FCHSD2: variants seen among roughly 807,000 people sequenced by gnomAD.
FCHSD2 encodes the protein FCH and double SH3 domains 2.
A neutral mutation model predicts 108.1 loss-of-function variants in FCHSD2; 38 were observed. The observed-to-expected ratio is 0.35, with a 90% CI of 0.27 to 0.46. The LOEUF (loss-of-function observed/expected upper bound fraction) is 0.46, where lower values mean the gene tolerates loss of function less well. Ranked by LOEUF, FCHSD2 falls within the 20% of genes least tolerant of loss-of-function variation. The pLI is 1.00. For synonymous variants in FCHSD2, 279 were observed against 314.7 expected (o/e 0.89, Z 1.20); for missense variants, 751 against 897.8 (o/e 0.84, Z 2.09).
chr11:73,018,175 T>TATCATGATCCCAA (rs2135435983), intron 3 of FCHSD2, among the ~76,000 whole-genome samples: 1 of 152,334 alleles, frequency 6.6e-6, no homozygotes, highest in East Asian at 1.9e-4. Context: ...TTGGCTCCCA[T>TATCATGATCCCAA]ATCATGATCC....
Position 72,838,570 on chromosome 11 carries a change from G to A in FCHSD2, c.*221C>T. ...GCTCCTAGGGTCCGCTAGGATTTGT[G>A]CTATGGTAGGAGAAATGACATAGAA... On this transcript the variant is annotated 3_prime_UTR_variant, in exon 20 of 20. Coordinates refer to ENST00000409418, the MANE Select transcript of FCHSD2 (RefSeq NM_014824.3). The A allele has an allele frequency of 1.7e-6, 1 of 574,784 alleles. No individual in the cohort carries two copies. Among genetic ancestry groups the A allele is most frequent in the Admixed American group, 3.0e-5 (1 of 33,486 alleles). 35.6% of individuals were successfully genotyped at this position (574,784 alleles called of 1,614,324 possible).
At chr11:72,840,851 A>T (rs1227288186) in intron 19 of FCHSD2, 26 bp downstream of exon 19, 1 of 1,532,312 alleles carries the variant, frequency 6.5e-7, no homozygotes, top group Non-Finnish European at 9.0e-7. Flanking sequence ...TATGCATTCG[A>T]TAATCCTGCA....
intron 8 of FCHSD2, among the ~76,000 whole-genome samples, chr11:72,959,487 G>A (rs565429550): frequency 3.3e-5 from 5 of 151,428 alleles, no homozygotes; most frequent in Admixed American, 6.6e-5. Flanking sequence ...CGCCCGCCTC[G>A]GCCTCCCAAA....
chr11:73,012,588 C>G (rs76387017), intron 4 of FCHSD2, among the ~76,000 whole-genome samples: 1 of 152,050 alleles, frequency 6.6e-6, no homozygotes, highest in Non-Finnish European at 1.5e-5. Flanking sequence ...TCCAAATAAA[C>G]AAAAACACTG....
intron 5 of FCHSD2, among the ~76,000 whole-genome samples, chr11:72,992,728 C>G (rs931377198): frequency 6.6e-5 from 10 of 152,112 alleles, no homozygotes; most frequent in African/African-American, 2.4e-4. Flanking sequence ...AAACTGGATC[C>G]CTTCCTTACA....
At chr11:72,851,964 C>T (rs1372145171) in intron 13 of FCHSD2, among the ~76,000 whole-genome samples, 1 of 148,194 alleles carries the variant, frequency 6.7e-6, no homozygotes, top group Admixed American at 6.8e-5. Context: ...GCAGTGTCAA[C>T]CTCCTGGGCT....
intron 4 of FCHSD2, among the ~76,000 whole-genome samples, chr11:73,011,092 T>C (rs1433958980): frequency 6.6e-6 from 1 of 151,958 alleles, no homozygotes; most frequent in Admixed American, 6.6e-5. Flanking sequence ...TAGAGGAGTA[T>C]TCAGGTGCCA....
chr11:72,890,845 C>CCTGCCTCT (rs1855298944), intron 10 of FCHSD2, among the ~76,000 whole-genome samples: 1 of 151,926 alleles, frequency 6.6e-6, no homozygotes, highest in Non-Finnish European at 1.5e-5. Flanking sequence ...TTAATTCTCT[C>CCTGCCTCT]TAAATTCTTA....
chr11:72,843,561 T>C (rs1167037459), intron 14 of FCHSD2, 29 bp from the exon 15 acceptor site: 9 of 1,539,866 alleles, frequency 5.8e-6, no homozygotes, highest in Non-Finnish European at 7.2e-6. Context: ...ATGGACAAAA[T>C]TAAAAAGGTT....
At chr11:73,101,716 T>C (rs1860230552) in intron 2 of FCHSD2, among the ~76,000 whole-genome samples, 2 of 151,762 alleles carry the variant, frequency 1.3e-5, no homozygotes, top group Admixed American at 1.3e-4. Context: ...GGATTATAGG[T>C]GTGAGCCACT....
chr11:72,942,509 A>G (rs1321928921), intron 8 of FCHSD2, among the ~76,000 whole-genome samples: 1 of 152,246 alleles, frequency 6.6e-6, no homozygotes, highest in Admixed American at 6.5e-5. Context: ...TGAAACATGT[A>G]TATGTAATAC....
chr11:72,925,610 T>A (rs1437457679), intron 8 of FCHSD2, among the ~76,000 whole-genome samples: 1 of 152,212 alleles, frequency 6.6e-6, no homozygotes, highest in African/African-American at 2.4e-5. Context: ...GTATTTCACT[T>A]CAGCAATAAA....
In FCHSD2 at chr11:72,902,646, GAAAAT is replaced by G; in HGVS notation, c.829-13_829-9del. 1 of 1,535,912 alleles carries G rather than the reference GAAAAT, an allele frequency of 6.5e-7. No homozygotes were observed. Among genetic ancestry groups the G allele is most frequent in the Non-Finnish European group, 8.8e-7 (1 of 1,131,162 alleles). On this transcript the variant is annotated splice_polypyrimidine_tract_variant and intron_variant, in intron 9 of 19. Transcript: ENST00000409418. The stretch of plus-strand genomic sequence containing the variant: ...ATTGTAGTCCCGGACCACCTAAAGA[GAAAAT>G]AAAATATCTTTAGGTCTTTAATGAG...
chr11:72,857,150 G>C (rs896714529), intron 13 of FCHSD2, among the ~76,000 whole-genome samples: 1 of 152,206 alleles, frequency 6.6e-6, no homozygotes, highest in African/African-American at 2.4e-5. Context: ...TAAGAAGGCT[G>C]CAGTGCCAGC....
intron 10 of FCHSD2, among the ~76,000 whole-genome samples, chr11:72,896,888 G>A (rs1308389809): frequency 2.0e-5 from 3 of 151,552 alleles, no homozygotes; most frequent in Admixed American, 6.6e-5. Context: ...GTGCAGTGGC[G>A]CGATCTCGGC....
chr11:72,901,664 T>C (rs1053912169), intron 10 of FCHSD2, among the ~76,000 whole-genome samples: 9 of 152,136 alleles, frequency 5.9e-5, no homozygotes, highest in African/African-American at 1.4e-4. Context: ...ATGGTAATTT[T>C]TGTGTTATGT....
At chr11:73,029,840 T>C (rs1858317456) in intron 3 of FCHSD2, among the ~76,000 whole-genome samples, 1 of 152,106 alleles carries the variant, frequency 6.6e-6, no homozygotes, top group Non-Finnish European at 1.5e-5. Flanking sequence ...AGGCACAGGC[T>C]CAGAAAATTC....
In FCHSD2 at chr11:72,916,968, C is replaced by CTT. The variant is rs71062793; in HGVS notation, c.828+4858_828+4859dup. On this transcript the variant is annotated intron_variant, in intron 9 of 19. Coordinates refer to ENST00000409418, the MANE Select transcript of FCHSD2 (RefSeq NM_014824.3). ...GTTCACAACTTCATTGAACTTCATT[C>CTT]TTTTTTTTTTTTTTTTTTTTTTTTT... Among the ~76,000 whole-genome samples, 62 of 118,748 alleles carry CTT rather than the reference C, an allele frequency of 5.2e-4. 1 individual carries two copies. Among genetic ancestry groups the CTT allele is most frequent in the African/African-American group, 1.9e-3 (58 of 30,608 alleles). 77.9% of individuals were successfully genotyped at this position (118,748 alleles called of 152,430 possible). A position where few individuals can be genotyped will look rare whatever the true frequency, so the allele number is the denominator to read the frequency against.
chr11:72,841,091 C>A, intron 18 of FCHSD2, 132 bp from the exon 19 acceptor site: 1 of 698,108 alleles, frequency 1.4e-6, no homozygotes, highest in Non-Finnish European at 2.5e-6. Context: ...TTACTTGAGG[C>A]CAGAAGTTCA....
Sources: gnomAD v4.1 joint callset for allele counts (sites outside exome capture counted in the v4.1 genomes callset) on GRCh38, gnomAD v4.1.1 for gene constraint, MANE v1.5 for transcripts, NCBI Gene and HGNC (gene_info 2026-07-23, HGNC 2026-07-21) for gene names.